Variants in SRCAP observed in about 807,000 individuals in gnomAD.
SRCAP encodes chromatin remodeling protein SRCAP.
SRCAP carries 46 observed loss-of-function variants against 263.1 expected under a neutral mutation model. The ratio of observed to expected loss-of-function variants is 0.17; its 90% CI spans 0.14 to 0.22. The LOEUF (loss-of-function observed/expected upper bound fraction) is 0.22, where lower values mean the gene tolerates loss of function less well. Ranked by LOEUF, SRCAP falls within the 10% of genes least tolerant of loss-of-function variation. The pLI is 1.00. For missense variants in SRCAP, 3,695 were observed against 4,181.9 expected (o/e 0.88, Z 3.21); for synonymous variants, 1,813 against 1,662.1 (o/e 1.09, Z -2.21).
rs750918260 is a variant in SRCAP at position 30,738,287 on chromosome 16, G to A, written c.8247G>A (p.Lys2749=). The A allele has an allele frequency of 1.2e-6, 2 of 1,603,464 alleles. No individual in the cohort carries two copies. Among genetic ancestry groups the A allele is most frequent in the South Asian group, 1.1e-5 (1 of 89,986 alleles). Residue 2749 remains lysine (K), a synonymous_variant, in exon 34 of 34, where the codon AAG becomes AAA. Transcript: ENST00000262518. ...GQPPGPKVLR[K]LPGRLVTVVE... The stretch of plus-strand genomic sequence containing the variant: ...CACCAGGCCCCAAAGTGCTTCGAAA[G>A]CTGCCAGGACGGCTGGTAACTGTGG...
intron 17 of SRCAP, 33 bp downstream of exon 17, chr16:30,716,235 C>T (rs373736582): frequency 8.1e-6 from 13 of 1,613,454 alleles, no homozygotes; most frequent in Middle Eastern, 1.6e-4. Flanking sequence ...CCCTGGGACT[C>T]GAGATTGGAG....
intron 25 of SRCAP, among the ~76,000 whole-genome samples, chr16:30,728,158 C>G (rs2053080729): frequency 6.6e-6 from 1 of 152,184 alleles, no homozygotes; most frequent in South Asian, 2.1e-4. Context: ...CTTTTCACAA[C>G]TATCTCTTGG....
chr16:30,707,537 T>A (rs369504517), intron 5 of SRCAP, 35 bp from the exon 6 acceptor site: 47 of 1,609,880 alleles, frequency 2.9e-5, no homozygotes, highest in Non-Finnish European at 3.4e-5. Context: ...AAGTCTGGCT[T>A]TGAGTGTTTT....
At position 30,722,550 on chromosome 16, in the gene SRCAP, T is replaced by C; in HGVS notation, c.3707-13T>C. The C allele has an allele frequency of 6.2e-7, 1 of 1,613,296 alleles. No individual in the cohort carries two copies. Among genetic ancestry groups the C allele is most frequent in the Non-Finnish European group, 8.5e-7 (1 of 1,179,446 alleles). On this transcript the variant is annotated splice_polypyrimidine_tract_variant and intron_variant, in intron 22 of 33. Transcript: ENST00000262518. ...GCTGCTTCTCTCTCTCTTTCTCTCTTCCCTTAACCCAGGGAATGTGGTGCA... is the reference window on the plus strand; with the variant it reads ...GCTGCTTCTCTCTCTCTTTCTCTCTCCCCTTAACCCAGGGAATGTGGTGCA...
Position 30,729,012 on chromosome 16 carries a change from A to G in SRCAP, c.5705A>G (p.Glu1902Gly), listed in dbSNP as rs117480926. 8,876 of 1,614,090 alleles carry G rather than the reference A, an allele frequency of 5.5e-3. 41 individuals are homozygous for G. Among genetic ancestry groups the G allele is most frequent in the Non-Finnish European group, 6.5e-3 (7,721 of 1,180,000 alleles). The change falls in exon 26 of 34, where the codon GAA becomes GGA. Residue 1902 changes from glutamate (E) to glycine (G), a missense_variant. Physicochemically the swap from Glu to Gly is moderately conservative, Grantham distance 98 (BLOSUM62 -2). This residue lies in a region of SRCAP where 1,347 missense variants were observed against 1,304.4 expected (regional missense o/e 1.03). Transcript: ENST00000262518. ...KRKRQRSERL[E>G]RIFQLSEAHG... Reference sequence around the variant, plus strand: ...AAGCGGCAGCGGTCTGAACGCCTGGAACGGATTTTCCAACTTAGTGAGGCT... The same window carrying G: ...AAGCGGCAGCGGTCTGAACGCCTGGGACGGATTTTCCAACTTAGTGAGGCT...
intron 8 of SRCAP, 148 bp from the exon 9 acceptor site, chr16:30,710,606 C>G (rs762859328): frequency 2.2e-6 from 2 of 899,442 alleles, no homozygotes; most frequent in South Asian, 2.6e-5. Context: ...AGAGAAAACC[C>G]TTGATTGTAT....
chr16:30,702,554 CTCCCTCCCTCCCT>C (rs1412077860), intron 3 of SRCAP, among the ~76,000 whole-genome samples: 2 of 135,006 alleles, frequency 1.5e-5, no homozygotes, highest in East Asian at 4.6e-4. Flanking sequence ...CCCTCCTTCC[CTCCCTCCCTCCCT>C]TCCCTCCCTC....
rs769850314 is a variant in SRCAP, at chr16:30,724,745, C to T, written c.5321C>T (p.Ser1774Leu). 32 of 1,613,900 alleles carry T rather than the reference C, an allele frequency of 2.0e-5. No individual in the cohort carries two copies. The highest frequency in any genetic ancestry group is 3.3e-5 in the South Asian group (3 of 91,086). ...CACACGCTGACTTTGGCTCCAGCAT[C>T]GTCATCTGCTTCACTCCTGGCCCCA... ...PAHTLTLAPASSSASLLAPAS... is the reference protein window; with the variant it reads ...PAHTLTLAPALSSASLLAPAS... The change falls in exon 25 of 34, where the codon TCG becomes TTG. Residue 1774 changes from serine (S) to leucine (L), a missense_variant. By Grantham distance (145) the Ser-to-Leu change is moderately radical. Coordinates refer to ENST00000262518, the MANE Select transcript of SRCAP (RefSeq NM_006662.3).
rs564146349 is a variant in SRCAP, at chr16:30,709,494, C to T, written c.634-19C>T. On this transcript the variant is annotated intron_variant, in intron 6 of 33. Transcript: ENST00000262518. ...AAAATGGTTATCTTGGTGAGCAGTCCCTTTCACATCTGTGGCAGGTGGTGC... is the reference window on the plus strand; with the variant it reads ...AAAATGGTTATCTTGGTGAGCAGTCTCTTTCACATCTGTGGCAGGTGGTGC... 4.3e-6 allele frequency: 7 copies of T among 1,613,398 alleles called. No individual in the cohort carries two copies. Among genetic ancestry groups the T allele is most frequent in the Non-Finnish European group, 5.9e-6 (7 of 1,179,484 alleles).
chr16:30,715,024 C>T (rs185631539), intron 16 of SRCAP, among the ~76,000 whole-genome samples: 1 of 152,110 alleles, frequency 6.6e-6, no homozygotes, highest in Non-Finnish European at 1.5e-5. Flanking sequence ...TCTCAGTCTG[C>T]ATATCTCACA....
intron 27 of SRCAP, 147 bp downstream of exon 27, chr16:30,729,719 TAGAG>T (rs1424228452): frequency 4.6e-6 from 4 of 861,118 alleles, no homozygotes; most frequent in Non-Finnish European, 7.1e-6. Context: ...ATGGGCAAGA[TAGAG>T]AAATGTAAGC....
Position 30,709,909 on chromosome 16 carries a change from T to C in SRCAP, c.915T>C (p.Val305=). 1 of 1,614,082 alleles carries C rather than the reference T, an allele frequency of 6.2e-7. No individual in the cohort carries two copies. Among genetic ancestry groups the C allele is most frequent in the Non-Finnish European group, 8.5e-7 (1 of 1,179,998 alleles). The change falls in exon 8 of 34, where the codon GTT becomes GTC. Residue 305 remains valine (V), a synonymous_variant. Transcript: ENST00000262518. ...AGGATGATGAGGAAACGATTGAAGT[T>C]GAAGAACAACAGGAAGGCAATGATG... ...EEEDDEETIE[V]EEQQEGNDAE...
intron 4 of SRCAP, among the ~76,000 whole-genome samples, chr16:30,706,973 C>G (rs1178655491): frequency 6.6e-6 from 1 of 152,178 alleles, no homozygotes. Flanking sequence ...TTGGGCAAAT[C>G]ACTTAATCTC....
At chr16:30,717,010 G>A (rs1225008602) in intron 18 of SRCAP, among the ~76,000 whole-genome samples, 1 of 152,176 alleles carries the variant, frequency 6.6e-6, no homozygotes, top group Non-Finnish European at 1.5e-5. Context: ...ATTTCTGCAT[G>A]TTGGGAAAAC....
intron 20 of SRCAP, 92 bp downstream of exon 20, chr16:30,721,070 G>C (rs1323115873): frequency 1.3e-6 from 2 of 1,539,916 alleles, no homozygotes; most frequent in Admixed American, 2.0e-5. Flanking sequence ...GGTTTGAGGA[G>C]CTGGGCTGGG....
rs749394639 is a variant in SRCAP, at chr16:30,710,856, T to C, written c.1228+9T>C. ...TGCCAACGAAGAGGAAGGTCAGGGC[T>C]GTTCGGTTTGTCCTATTGCCCCTTA... On this transcript the variant is annotated intron_variant, in intron 9 of 33. Transcript: ENST00000262518. 9 of 1,613,902 alleles carry C rather than the reference T, an allele frequency of 5.6e-6. No individual in the cohort carries two copies. The Admixed American group carries it at 1.3e-4, about 24-fold the overall frequency.
intron 31 of SRCAP, among the ~76,000 whole-genome samples, chr16:30,735,013 A>C (rs1236248261): frequency 6.6e-6 from 1 of 152,220 alleles, no homozygotes; most frequent in Non-Finnish European, 1.5e-5. Flanking sequence ...GCTCAGACCC[A>C]ACACCCCAAA....
Position 30,704,739 on chromosome 16 carries a change from G to A in SRCAP, c.306+424G>A, listed in dbSNP as rs147160619. On this transcript the variant is annotated intron_variant, in intron 4 of 33. Coordinates refer to ENST00000262518, the MANE Select transcript of SRCAP (RefSeq NM_006662.3). ...CTGTAGCAGTCGCAGCCACCCAGGA[G>A]CCTGAGTTGAGAGGATCACCTGAGC... 2.0e-5 allele frequency among the ~76,000 whole-genome samples: 3 copies of A among 152,060 alleles called. No individual in the cohort carries two copies. The South Asian group carries it at 6.2e-4, about 32-fold the overall frequency.
At position 30,724,973 on chromosome 16, in the gene SRCAP, C is replaced by T. The variant is rs547540884; in HGVS notation, c.5549C>T (p.Thr1850Ile). 1.2e-6 allele frequency: 2 copies of T among 1,614,218 alleles called. No homozygotes were observed. The highest frequency in any genetic ancestry group is 1.1e-5 in the South Asian group (1 of 91,082). The stretch of plus-strand genomic sequence containing the variant: ...CCTGTTTCCAAGGATGAGCCTGACA[C>T]ACTGACATTGCGCTCTGGTCCCCCC... Reference protein sequence around the residue: ...RLPVSKDEPDTLTLRSGPPSP... With the variant: ...RLPVSKDEPDILTLRSGPPSP... The change falls in exon 25 of 34, where the codon ACA becomes ATA. Residue 1850 changes from threonine (T) to isoleucine (I), a missense_variant. By Grantham distance (89) the Thr-to-Ile change is moderately conservative (BLOSUM62 -1). Coordinates refer to ENST00000262518, the MANE Select transcript of SRCAP (RefSeq NM_006662.3).
Sources: gnomAD v4.1 joint callset for allele counts (sites outside exome capture counted in the v4.1 genomes callset) on GRCh38, gnomAD v4.1.1 for gene constraint, gnomAD v4.1.1 regional missense constraint, MANE v1.5 for transcripts, NCBI Gene and HGNC (gene_info 2026-07-23, HGNC 2026-07-21) for gene names.